Variants in KANSL1L observed in about 807,000 individuals in gnomAD.
The protein encoded by KANSL1L is KAT8 regulatory NSL complex subunit 1-like protein.
In KANSL1L, 25 loss-of-function variants were observed where a neutral mutation model predicts 108.6. The observed-to-expected ratio is 0.23, with a 90% CI of 0.17 to 0.32. The LOEUF is 0.32. KANSL1L is among the 10% of genes least tolerant of loss of function. The pLI, the probability that KANSL1L is intolerant of heterozygous loss-of-function variation, is 1.00. For synonymous variants in KANSL1L, 405 were observed against 395.1 expected, an observed-to-expected ratio of 1.03 and a Z score of -0.30; for missense variants, 1,137 against 1,125.7, an observed-to-expected ratio of 1.01 and a Z score of -0.14.
Position 210,153,604 on chromosome 2 carries a change from A to C in KANSL1L, c.979T>G (p.Ser327Ala). 6.2e-7 allele frequency: 1 copy of C among 1,613,962 alleles called. No individual in the cohort carries two copies. Among genetic ancestry groups the C allele is most frequent in the Non-Finnish European group, 8.5e-7 (1 of 1,179,980 alleles). The change falls in exon 2 of 15, where the codon TCT becomes GCT. Residue 327 changes from serine to alanine, a missense_variant. This residue lies in a region of KANSL1L where 556 missense variants were observed against 537.7 expected (regional missense o/e 1.03). Coordinates refer to ENST00000281772, the MANE Select transcript of KANSL1L (RefSeq NM_152519.4). ...ACATGAGACAACAGCCCTGTAGCAGAAAATGCAAATCTTTGGATTTCCGCA... is the reference window on the plus strand; with the variant it reads ...ACATGAGACAACAGCCCTGTAGCAGCAAATGCAAATCTTTGGATTTCCGCA... Reference protein sequence around the residue: ...TAAEIQRFAFSATGLLSHVEE... With the variant: ...TAAEIQRFAFAATGLLSHVEE...
chr2:210,075,319 A>C (rs1478099696), intron 6 of KANSL1L, among the ~76,000 whole-genome samples: 1 of 152,188 alleles, frequency 6.6e-6, no homozygotes, highest in African/African-American at 2.4e-5. Context: ...CTTTAAAAAA[A>C]CTGGGGATGT....
intron 4 of KANSL1L, 94 bp from the exon 5 acceptor site, chr2:210,098,301 G>C: frequency 9.2e-7 from 1 of 1,087,828 alleles, no homozygotes; most frequent in South Asian, 1.5e-5. Context: ...AACTTCTCAT[G>C]ACACACATGT....
chr2:210,077,584 C>A (rs1289242098), intron 5 of KANSL1L, among the ~76,000 whole-genome samples: 1 of 152,016 alleles, frequency 6.6e-6, no homozygotes, highest in Non-Finnish European at 1.5e-5. Flanking sequence ...GATGTAGGAT[C>A]CAGGAAGTTA....
At position 210,025,118 on chromosome 2, in the gene KANSL1L, G is replaced by A; in HGVS notation, c.2550C>T (p.His850=). The A allele has an allele frequency of 1.2e-6, 2 of 1,607,954 alleles. No individual in the cohort carries two copies. Among genetic ancestry groups the A allele is most frequent in the Non-Finnish European group, 1.7e-6 (2 of 1,174,506 alleles). ...RWSLWEQSKW[H]RRNSRAYSKN... ...TTGTAACCTGCCTGCTGTTTCTTCTGTGCCACTTGCTTTGCTCCCATAGTG... is the reference window on the plus strand; with the variant it reads ...TTGTAACCTGCCTGCTGTTTCTTCTATGCCACTTGCTTTGCTCCCATAGTG... The change falls in exon 13 of 15, where the codon CAC becomes CAT. Residue 850 remains histidine, a synonymous_variant. Coordinates refer to ENST00000281772, the MANE Select transcript of KANSL1L (RefSeq NM_152519.4).
At chr2:210,119,052 C>T (rs930793114) in intron 3 of KANSL1L, among the ~76,000 whole-genome samples, 4 of 151,828 alleles carry the variant, frequency 2.6e-5, no homozygotes, top group East Asian at 1.9e-4. Flanking sequence ...GGCATGGTGG[C>T]GCGCACCTGT....
intron 6 of KANSL1L, among the ~76,000 whole-genome samples, chr2:210,067,716 C>CAAAAAAAAAAAAAAAAAAAAAA (rs569072484): frequency 2.2e-5 from 2 of 92,948 alleles, no homozygotes; most frequent in African/African-American, 9.2e-5. Flanking sequence ...ACCCTGTCTC[C>CAAAAAAAAAAAAAAAAAAAAAA]AAAAAAAAAA....
intron 1 of KANSL1L, among the ~76,000 whole-genome samples, chr2:210,160,080 A>G (rs377257090): frequency 6.6e-6 from 1 of 152,308 alleles, no homozygotes; most frequent in South Asian, 2.1e-4. Flanking sequence ...TCAATAGACT[A>G]AAGAGAAACC....
intron 3 of KANSL1L, among the ~76,000 whole-genome samples, chr2:210,117,191 A>T (rs2094962916): frequency 6.6e-6 from 1 of 152,182 alleles, no homozygotes; most frequent in African/African-American, 2.4e-5. Context: ...GTGAAAATAT[A>T]CCTCAGAAGA....
At chr2:210,058,868 T>C (rs1168086452) in intron 6 of KANSL1L, among the ~76,000 whole-genome samples, 2 of 138,480 alleles carry the variant, frequency 1.4e-5, no homozygotes, top group East Asian at 2.2e-4. Flanking sequence ...TTGCTGGTTT[T>C]ACGGCTCAGG....
At position 210,099,892 on chromosome 2, in the gene KANSL1L, A is replaced by G. The variant is rs575060467; in HGVS notation, c.1429-1685T>C. ...GAATAAGAAAAGTAAAATTAAGAGA[A>G]GCGTAATTTGAACTCTGAAAACAAA... On this transcript the variant is annotated intron_variant, in intron 4 of 14. Coordinates refer to ENST00000281772, the MANE Select transcript of KANSL1L (RefSeq NM_152519.4). Among the ~76,000 whole-genome samples the G allele has an allele frequency of 1.7e-4, 26 of 152,360 alleles. No homozygotes were observed. In the East Asian group the frequency reaches 4.8e-3, roughly 28 times the overall value.
At chr2:210,103,554 C>T (rs1177912248) in intron 4 of KANSL1L, among the ~76,000 whole-genome samples, 1 of 152,110 alleles carries the variant, frequency 6.6e-6, no homozygotes, top group Non-Finnish European at 1.5e-5. Context: ...TTTCCAAGGA[C>T]AGATACAGGA....
chr2:210,075,546 C>G lies in KANSL1L; in HGVS notation c.1755+6G>C, dbSNP rs775162880. 6.3e-7 allele frequency: 1 copy of G among 1,599,056 alleles called. No homozygotes were observed. The highest frequency in any genetic ancestry group is 8.6e-7 in the Non-Finnish European group (1 of 1,166,834). On this transcript the variant is annotated splice_donor_region_variant and intron_variant, in intron 6 of 14. Coordinates refer to ENST00000281772, the MANE Select transcript of KANSL1L (RefSeq NM_152519.4). The stretch of plus-strand genomic sequence containing the variant: ...GATCATGTTTTCTTCCCAAAGGCAG[C>G]CTTACCTGTGGAGTCCAATAAAAAG...
At chr2:210,165,745 G>A (rs263692) in intron 1 of KANSL1L, among the ~76,000 whole-genome samples, 141,666 of 152,218 alleles carry the variant, frequency 0.93, 66,809 homozygotes, top group East Asian at 1. Context: ...TTCATTGTGA[G>A]TTAAGGAAAG....
At chr2:210,143,739 T>C (rs1213943932) in intron 2 of KANSL1L, among the ~76,000 whole-genome samples, 1 of 152,208 alleles carries the variant, frequency 6.6e-6, no homozygotes, top group Non-Finnish European at 1.5e-5. Flanking sequence ...AAACTCTCTA[T>C]ACTTTTATTC....
intron 7 of KANSL1L, 185 bp downstream of exon 7, chr2:210,043,754 C>A: frequency 2.4e-6 from 1 of 417,118 alleles, no homozygotes; most frequent in South Asian, 7.6e-5. Flanking sequence ...ACAGATAGAA[C>A]ATTAACCGTG....
intron 2 of KANSL1L, among the ~76,000 whole-genome samples, chr2:210,143,104 T>A (rs1008348652): frequency 2.0e-5 from 3 of 152,142 alleles, no homozygotes; most frequent in African/African-American, 7.2e-5. Flanking sequence ...AATATTTGCT[T>A]TATATATTTA....
intron 4 of KANSL1L, among the ~76,000 whole-genome samples, chr2:210,099,945 A>G (rs753639552): frequency 2.6e-5 from 4 of 152,198 alleles, no homozygotes; most frequent in Admixed American, 1.3e-4. Context: ...TTAAAACACT[A>G]GCTATTCATA....
intron 6 of KANSL1L, among the ~76,000 whole-genome samples, chr2:210,050,802 T>C (rs2094283900): frequency 6.6e-6 from 1 of 152,048 alleles, no homozygotes; most frequent in African/African-American, 2.4e-5. Context: ...AGGTTGGGGC[T>C]GCAGAGAACT....
chr2:210,075,400 C>G, intron 6 of KANSL1L, 152 bp downstream of exon 6: 1 of 597,046 alleles, frequency 1.7e-6, no homozygotes, highest in South Asian at 2.3e-5. Context: ...TTATTAATAT[C>G]TACTATATCA....
Sources: allele counts gnomAD v4.1 joint callset (sites outside exome capture counted in the v4.1 genomes callset), GRCh38; gene constraint gnomAD v4.1.1; regional missense constraint gnomAD v4.1.1; transcripts MANE v1.5; gene names NCBI Gene and HGNC (gene_info 2026-07-23, HGNC 2026-07-21).